PI4K2A: variants seen among roughly 807,000 people sequenced by gnomAD.
PI4K2A encodes phosphatidylinositol 4-kinase type 2 alpha, also known as phosphatidylinositol 4-kinase type 2-alpha.
Under a neutral mutation model 55.0 loss-of-function variants are expected in PI4K2A, and 20 were observed. The ratio of observed to expected loss-of-function variants is 0.36; its 90% CI spans 0.26 to 0.53. The LOEUF (loss-of-function observed/expected upper bound fraction) is 0.53, where lower values mean the gene tolerates loss of function less well. PI4K2A is among the 20% of genes least tolerant of loss of function. PI4K2A has a pLI of 0.91. For synonymous variants in PI4K2A, 235 were observed against 258.5 expected (o/e 0.91, Z 0.87); for missense variants, 463 against 637.1 (o/e 0.73, Z 2.94).
At chr10:97,641,215 G>A in intron 1 of PI4K2A, 38 bp downstream of exon 1, 3 of 1,501,922 alleles carry the variant, frequency 2.0e-6, no homozygotes, top group Non-Finnish European at 2.7e-6. Context: ...GCGGGCTGAG[G>A]GCCGGCGGCG....
chr10:97,649,253 T>C (rs2135753833), intron 1 of PI4K2A, among the ~76,000 whole-genome samples: 1 of 152,308 alleles, frequency 6.6e-6, no homozygotes, highest in East Asian at 1.9e-4. Flanking sequence ...TTTGCTTTTT[T>C]CCTTTGAATT....
intron 8 of PI4K2A, among the ~76,000 whole-genome samples, chr10:97,671,890 G>A (rs1265904084): frequency 6.6e-6 from 1 of 152,060 alleles, no homozygotes; most frequent in Non-Finnish European, 1.5e-5. Context: ...CTGACCTCAG[G>A]TGACCCGCCC....
At chr10:97,657,789 A>C (rs772131734) in intron 4 of PI4K2A, among the ~76,000 whole-genome samples, 8 of 148,258 alleles carry the variant, frequency 5.4e-5, no homozygotes, top group Admixed American at 2.0e-4. Flanking sequence ...AGTAGTATGA[A>C]ATACATTCAT....
chr10:97,651,226 G>A, intron 2 of PI4K2A, 85 bp downstream of exon 2: 2 of 923,428 alleles, frequency 2.2e-6, no homozygotes, highest in Non-Finnish European at 3.5e-6. Flanking sequence ...GTGGGACCTT[G>A]GGTCCAGTGG....
intron 7 of PI4K2A, among the ~76,000 whole-genome samples, 169 bp downstream of exon 7, chr10:97,666,740 T>C (rs973271138): frequency 3.3e-5 from 5 of 152,054 alleles, no homozygotes; most frequent in African/African-American, 1.2e-4. Context: ...CTGGTTTGGA[T>C]GGGTTTGAGA....
chr10:97,651,915 T>C (rs1245349644), intron 2 of PI4K2A, among the ~76,000 whole-genome samples: 2 of 152,082 alleles, frequency 1.3e-5, no homozygotes, highest in Admixed American at 1.3e-4. Flanking sequence ...CTGGTCAGCA[T>C]ATGAACATGT....
At chr10:97,647,407 C>G (rs2041510036) in intron 1 of PI4K2A, among the ~76,000 whole-genome samples, 1 of 152,158 alleles carries the variant, frequency 6.6e-6, no homozygotes, top group Admixed American at 6.6e-5. Context: ...CAGCTAAATA[C>G]TGGTGGGTGT....
At position 97,656,782 on chromosome 10, in the gene PI4K2A, C is replaced by T; in HGVS notation, c.769-39C>T. 1 of 1,602,606 alleles carries T rather than the reference C, an allele frequency of 6.2e-7. No homozygotes were observed. The highest frequency in any genetic ancestry group is 8.5e-7 in the Non-Finnish European group (1 of 1,170,392). On this transcript the variant is annotated intron_variant, in intron 3 of 8. Transcript: ENST00000370631. The surrounding 1 kb of genome is among the most constrained non-coding windows in gnomAD (Gnocchi z 4.5). ...TACTCCAAAGGTCTTTGGATTTGGG[C>T]AGTAGGGAAAAACCTTTGTTCCTTC...
intron 1 of PI4K2A, among the ~76,000 whole-genome samples, chr10:97,648,685 C>T (rs1406916220): frequency 6.6e-6 from 1 of 152,112 alleles, no homozygotes; most frequent in African/African-American, 2.4e-5. Context: ...CTTCAAGTTG[C>T]CTTTTGGTTT....
chr10:97,650,964 C>G, exon 2 of PI4K2A: 2 of 1,613,734 alleles, frequency 1.2e-6, no homozygotes, highest in Non-Finnish European at 1.7e-6. Context: ...TCTTCAAACC[C>G]AAGAATGAAG....
At chr10:97,646,801 G>A (rs1369651304) in intron 1 of PI4K2A, among the ~76,000 whole-genome samples, 1 of 151,890 alleles carries the variant, frequency 6.6e-6, no homozygotes, top group Non-Finnish European at 1.5e-5. Flanking sequence ...TGAGAGGGGG[G>A]TCTAGCTCTG....
chr10:97,640,844 C>G, exon 1 of PI4K2A: 2 of 1,383,778 alleles, frequency 1.4e-6, no homozygotes, highest in Middle Eastern at 2.8e-4. Flanking sequence ...TGCCCGGGGG[C>G]GCGGTCCGAG....
intron 6 of PI4K2A, among the ~76,000 whole-genome samples, chr10:97,665,654 G>A (rs2041606441): frequency 6.6e-6 from 1 of 151,282 alleles, no homozygotes; most frequent in South Asian, 2.1e-4. Context: ...GTGCAGTGGC[G>A]CGATCTCGGC....
chr10:97,655,475 TA>T (rs2041549422), intron 2 of PI4K2A, among the ~76,000 whole-genome samples: 1 of 152,084 alleles, frequency 6.6e-6, no homozygotes, highest in African/African-American at 2.4e-5. Context: ...TGGCCTAATC[TA>T]ACCCAGGAGA....
chr10:97,671,564 T>TA (rs1051020972), intron 8 of PI4K2A, among the ~76,000 whole-genome samples: 3 of 151,348 alleles, frequency 2.0e-5, no homozygotes, highest in African/African-American at 4.9e-5. Context: ...AACATTTATT[T>TA]AAAAAAAAAG....
chr10:97,644,617 G>A (rs2041495225), intron 1 of PI4K2A, among the ~76,000 whole-genome samples: 1 of 152,178 alleles, frequency 6.6e-6, no homozygotes, highest in Non-Finnish European at 1.5e-5. Flanking sequence ...CATGGTCCAA[G>A]ATGGCCGCTC....
At chr10:97,647,153 T>C (rs1415834873) in intron 1 of PI4K2A, among the ~76,000 whole-genome samples, 1 of 152,082 alleles carries the variant, frequency 6.6e-6, no homozygotes, top group Non-Finnish European at 1.5e-5. Flanking sequence ...TGTGATTTGG[T>C]TTTTATTCCC....
rs373702106 is a variant in PI4K2A, at chr10:97,656,275, T to C, written c.637-10T>C. On this transcript the variant is annotated splice_polypyrimidine_tract_variant and intron_variant, in intron 2 of 8. Transcript: ENST00000370631. This position sits in a 1 kb window ranked among gnomAD's most constrained non-coding sequence, Gnocchi z 4.5. ...ACTCTAACCTTAGTATCTCTTCTCT[T>C]TCACTGTAGGTAGTATACCTGGCCA... 22 of 1,610,780 alleles carry C rather than the reference T, an allele frequency of 1.4e-5. No individual in the cohort carries two copies. Among genetic ancestry groups the C allele is most frequent in the Non-Finnish European group, 1.8e-5 (21 of 1,177,226 alleles).
intron 5 of PI4K2A, among the ~76,000 whole-genome samples, chr10:97,663,836 A>T (rs1209259752): frequency 6.6e-6 from 1 of 150,958 alleles, no homozygotes; most frequent in Non-Finnish European, 1.5e-5. Context: ...TAAAAAAAAA[A>T]AAAAAAAAAA....
Sources: allele counts gnomAD v4.1 joint callset (sites outside exome capture counted in the v4.1 genomes callset), GRCh38; gene constraint gnomAD v4.1.1; non-coding constraint Gnocchi (gnomAD v3.1); transcripts MANE v1.5; gene names NCBI Gene and HGNC (gene_info 2026-07-23, HGNC 2026-07-21).